The following BICD2 variants were observed in gnomAD, a reference collection of about 807,000 sequenced individuals.
BICD2 encodes the protein BICD cargo adaptor 2, also known as protein bicaudal D homolog 2.
A neutral mutation model predicts 72.9 loss-of-function variants in BICD2; 25 were observed. That is an observed-to-expected ratio of 0.34 (90% CI 0.25 to 0.48). The LOEUF (loss-of-function observed/expected upper bound fraction) is 0.48. Among genes scored for constraint, BICD2 ranks in the 20% least tolerant of loss-of-function variants. The pLI is 0.99. For missense variants in BICD2, 894 were observed against 1,175.2 expected (o/e 0.76, Z 3.50); for synonymous variants, 501 against 516.1 (o/e 0.97, Z 0.40).
intron 1 of BICD2, among the ~76,000 whole-genome samples, chr9:92,754,940 G>C (rs1299292918): frequency 6.6e-6 from 1 of 152,208 alleles, no homozygotes; most frequent in Non-Finnish European, 1.5e-5. Context: ...AAAAAGAACA[G>C]GATAACAGCA....
intron 2 of BICD2, among the ~76,000 whole-genome samples, chr9:92,728,348 G>A (rs1344929849): frequency 2.6e-5 from 4 of 152,220 alleles, no homozygotes; most frequent in East Asian, 1.9e-4. Context: ...GGACTTGGAC[G>A]GATTCATGGA....
chr9:92,739,589 C>T (rs1454061464), intron 1 of BICD2, among the ~76,000 whole-genome samples: 1 of 152,204 alleles, frequency 6.6e-6, no homozygotes, highest in South Asian at 2.1e-4. Flanking sequence ...ACCCGACCCC[C>T]GACCACGATT....
chr9:92,726,488 G>A (rs982941763), intron 2 of BICD2, among the ~76,000 whole-genome samples: 1 of 152,170 alleles, frequency 6.6e-6, no homozygotes, highest in Non-Finnish European at 1.5e-5. Context: ...CACGCTGGGG[G>A]TGGGCACAGA....
At chr9:92,718,409 T>C (rs575562933) in intron 5 of BICD2, 130 bp downstream of exon 5, 6 of 1,128,764 alleles carry the variant, frequency 5.3e-6, no homozygotes, top group Non-Finnish European at 7.4e-6. Context: ...CGAGCTACTA[T>C]GGGGCTGGCT....
At chr9:92,715,520 G>T in intron 6 of BICD2, 57 bp from the exon 7 acceptor site, 2 of 1,510,980 alleles carry the variant, frequency 1.3e-6, no homozygotes, top group South Asian at 1.3e-5. Context: ...AGGAGGGCAG[G>T]GCAGGGCAGG....
intron 1 of BICD2, among the ~76,000 whole-genome samples, chr9:92,759,996 C>A (rs1013178215): frequency 4.6e-4 from 70 of 152,212 alleles, no homozygotes; most frequent in African/African-American, 1.6e-3. Context: ...GGACACCACT[C>A]CCTGACCTTG....
intron 1 of BICD2, among the ~76,000 whole-genome samples, chr9:92,744,853 G>GA (rs1428844948): frequency 1.3e-5 from 2 of 150,862 alleles, no homozygotes; most frequent in South Asian, 4.2e-4. Context: ...AAAAAAAAAA[G>GA]AAAAAAAAGG....
intron 1 of BICD2, among the ~76,000 whole-genome samples, chr9:92,736,266 T>C (rs1045923158): frequency 6.6e-6 from 1 of 151,986 alleles, no homozygotes; most frequent in Non-Finnish European, 1.5e-5. Context: ...GCAAGGAGAG[T>C]GATCTCCGGT....
In BICD2 at chr9:92,717,845, T is replaced by A; in HGVS notation, c.2210A>T (p.Lys737Met). Residue 737 changes from lysine (K) to methionine (M), a missense_variant, in exon 6 of 7, where the codon AAG becomes ATG. By Grantham distance (95) the Lys-to-Met change is moderately conservative. Transcript: ENST00000356884. ...MKLRNELKAL[K>M]EDAATFSSLR... ...CGAGGAGAAGGTGGCTGCGTCCTCC[T>A]TGAGGGCCTTGAGCTCATTGCGCAG... 1.2e-6 allele frequency: 2 copies of A among 1,612,658 alleles called. No homozygotes were observed. The highest frequency in any genetic ancestry group is 1.7e-6 in the Non-Finnish European group (2 of 1,179,954).
Position 92,714,533 on chromosome 9 carries a change from C to G in BICD2, c.*621G>C, listed in dbSNP as rs915714747. The G allele has an allele frequency of 1.0e-6, 1 of 985,536 alleles. No individual in the cohort carries two copies. The highest frequency in any genetic ancestry group is 1.2e-6 in the Non-Finnish European group (1 of 829,970). 61.0% of individuals were successfully genotyped at this position (985,536 alleles called of 1,614,324 possible). On this transcript the variant is annotated 3_prime_UTR_variant, in exon 7 of 7. Coordinates refer to ENST00000356884, the MANE Select transcript of BICD2 (RefSeq NM_001003800.2). ...TCAGCTGTGTCTGTGCCATGTGTGT[C>G]TGGCCAGCAGAATACAGGGGCTCAG...
At chr9:92,763,657 C>T (rs1403397323) in intron 1 of BICD2, among the ~76,000 whole-genome samples, 11 of 152,206 alleles carry the variant, frequency 7.2e-5, no homozygotes, top group African/African-American at 2.4e-4. Context: ...AAGACTCCCG[C>T]TGCCCTGCCG....
Position 92,719,251 on chromosome 9 carries a change from G to T in BICD2, c.1394C>A (p.Ala465Asp). ...GCGGCCCTTCTCCTCGGCGTGCTGG[G>T]CCTCACGAGCCTCGTGCGTGCTGCG... ...ALRSTHEARE[A>D]QHAEEKGRYE... The change falls in exon 5 of 7, where the codon GCC (alanine) becomes GAC (aspartate). Residue 465 changes from alanine (A) to aspartate (D), a missense_variant. By Grantham distance (126) the Ala-to-Asp change is moderately radical. Coordinates refer to ENST00000356884, the MANE Select transcript of BICD2 (RefSeq NM_001003800.2). 1 of 1,613,000 alleles carries T rather than the reference G, an allele frequency of 6.2e-7. No individual in the cohort carries two copies. The highest frequency in any genetic ancestry group is 8.5e-7 in the Non-Finnish European group (1 of 1,179,988).
intron 6 of BICD2, among the ~76,000 whole-genome samples, chr9:92,716,927 C>T (rs1342079884): frequency 6.6e-6 from 1 of 152,228 alleles, no homozygotes; most frequent in African/African-American, 2.4e-5. Flanking sequence ...AGCCCCGGCC[C>T]TCTCCTCACC....
At position 92,714,394 on chromosome 9, in the gene BICD2, T is replaced by A. The variant is rs1026313708; in HGVS notation, c.*760A>T. ...CCAGGCACTTGGAAAGCTTTTCTCA[T>A]GAAAAATGAAAACCTGGGGCCTTGG... On this transcript the variant is annotated 3_prime_UTR_variant, in exon 7 of 7. Coordinates refer to ENST00000356884, the MANE Select transcript of BICD2 (RefSeq NM_001003800.2). 24 of 985,368 alleles carry A rather than the reference T, an allele frequency of 2.4e-5. No homozygotes were observed. The highest frequency in any genetic ancestry group is 2.9e-5 in the Non-Finnish European group (24 of 829,972). 61.0% of individuals were successfully genotyped at this position (985,368 alleles called of 1,614,324 possible). A position where few individuals can be genotyped will look rare whatever the true frequency, so the allele number is the denominator to read the frequency against.
At position 92,714,908 on chromosome 9, in the gene BICD2, C is replaced by T. The variant is rs900033186; in HGVS notation, c.*246G>A. 2.2e-6 allele frequency: 3 copies of T among 1,335,248 alleles called. No homozygotes were observed. The highest frequency in any genetic ancestry group is 2.9e-6 in the Non-Finnish European group (3 of 1,045,154). 82.7% of individuals were successfully genotyped at this position (1,335,248 alleles called of 1,614,324 possible). ...CTGCAAGAATGTGCAGCTCTATCCCCACCTCTGACCCCCACCTAAGAGAGC... is the reference window on the plus strand; with the variant it reads ...CTGCAAGAATGTGCAGCTCTATCCCTACCTCTGACCCCCACCTAAGAGAGC... On this transcript the variant is annotated 3_prime_UTR_variant, in exon 7 of 7. Transcript: ENST00000356884.
At chr9:92,738,400 TG>T (rs1853831531) in intron 1 of BICD2, among the ~76,000 whole-genome samples, 1 of 152,212 alleles carries the variant, frequency 6.6e-6, no homozygotes, top group Non-Finnish European at 1.5e-5. Context: ...GTGGCCTCAC[TG>T]TCCTTCTGCA....
At chr9:92,746,894 G>A (rs952898646) in intron 1 of BICD2, among the ~76,000 whole-genome samples, 1 of 152,172 alleles carries the variant, frequency 6.6e-6, no homozygotes, top group Non-Finnish European at 1.5e-5. Context: ...GGTCTTACAG[G>A]CAAATCATAC....
chr9:92,731,133 G>A (rs539714075), intron 1 of BICD2, among the ~76,000 whole-genome samples: 13 of 152,314 alleles, frequency 8.5e-5, no homozygotes, highest in East Asian at 1.9e-4. Flanking sequence ...GGCTGCAGGC[G>A]GCATGGGCAG....
Position 92,717,928 on chromosome 9 carries a change from G to A in BICD2, c.2127C>T (p.Ala709=). The A allele has an allele frequency of 4.3e-6, 7 of 1,613,502 alleles. No homozygotes were observed. The highest frequency in any genetic ancestry group is 5.9e-6 in the Non-Finnish European group (7 of 1,179,954). Residue 709 remains alanine, a synonymous_variant, in exon 6 of 7, where the codon GCC becomes GCT. Coordinates refer to ENST00000356884, the MANE Select transcript of BICD2 (RefSeq NM_001003800.2). The part of the protein sequence containing the change: ...ANKQTAEVAL[A]NLKSKYENEK... Reference sequence around the variant, plus strand: ...CATTCTCATACTTGCTCTTCAGGTTGGCAAGGGCCACCTCGGCCGTCTGGG... The same window carrying A: ...CATTCTCATACTTGCTCTTCAGGTTAGCAAGGGCCACCTCGGCCGTCTGGG...
Sources: allele counts gnomAD v4.1 joint callset (sites outside exome capture counted in the v4.1 genomes callset), GRCh38; gene constraint gnomAD v4.1.1; transcripts MANE v1.5; gene names NCBI Gene and HGNC (gene_info 2026-07-23, HGNC 2026-07-21).